Variants in PGM2 observed in about 807,000 individuals in gnomAD.
PGM2 encodes phosphopentomutase.
A neutral mutation model predicts 74.6 loss-of-function variants in PGM2; 57 were observed. The observed-to-expected ratio is 0.76, with a 90% CI of 0.62 to 0.95. PGM2 has a LOEUF of 0.95. Among genes scored for constraint, PGM2 ranks in the 40% least tolerant of loss-of-function variants. The pLI, the probability that PGM2 is intolerant of heterozygous loss-of-function variation, is 0.00. For synonymous variants in PGM2, 273 were observed against 260.7 expected (o/e 1.05, Z -0.46); for missense variants, 706 against 741.9 (o/e 0.95, Z 0.56).
Position 37,835,642 on chromosome 4 carries a change from T to C in PGM2, c.356+918T>C, listed in dbSNP as rs778353266. On this transcript the variant is annotated intron_variant, in intron 3 of 13. Transcript: ENST00000381967. ...TATTGAATATTAATGAAAAGTCTTA[T>C]TAGCTTTACAGAGCTGGATGAGTTT... Among the ~76,000 whole-genome samples the C allele has an allele frequency of 3.3e-5, 5 of 152,214 alleles. No homozygotes were observed. In the South Asian group the frequency reaches 6.2e-4, roughly 19 times the overall value.
chr4:37,839,891 T>C lies in PGM2; in HGVS notation c.485T>C (p.Ile162Thr). Residue 162 changes from isoleucine to threonine, a missense_variant, in exon 5 of 14, where the codon ATA becomes ACA. Coordinates refer to ENST00000381967, the MANE Select transcript of PGM2 (RefSeq NM_018290.4). The part of the protein sequence containing the change: ...SHLKLCAGIM[I>T]TASHNPKQDN... ...TTGAAACTTTGTGCTGGAATCATGA[T>C]AACTGCATCTCACAATCCAAAGCAG... is the stretch of plus-strand genomic sequence containing the variant. 1 of 1,606,786 alleles carries C rather than the reference T, an allele frequency of 6.2e-7. No homozygotes were observed.
rs1725668786 is a variant in PGM2 at position 37,840,125 on chromosome 4, T to A, written c.585T>A (p.Ala195=). The A allele has an allele frequency of 2.5e-6, 4 of 1,613,820 alleles. No individual in the cohort carries two copies. The highest frequency in any genetic ancestry group is 3.4e-6 in the Non-Finnish European group (4 of 1,179,824). ...ISPHDKGISQ[A]IEENLEPWPQ... ...CTCACGATAAAGGGATTTCTCAAGC[T>A]ATTGAAGAAAATCTAGAACCGTGGC... Residue 195 remains alanine, a synonymous_variant, in exon 6 of 14, where the codon GCT becomes GCA. Coordinates refer to ENST00000381967, the MANE Select transcript of PGM2 (RefSeq NM_018290.4).
At chr4:37,838,692 CA>C (rs993811263) in intron 4 of PGM2, among the ~76,000 whole-genome samples, 1 of 152,148 alleles carries the variant, frequency 6.6e-6, no homozygotes, top group African/African-American at 2.4e-5. Flanking sequence ...GTTCAGGTTT[CA>C]TTGTTTGATG....
In PGM2 at chr4:37,850,221, T is replaced by C; in HGVS notation, c.1450T>C (p.Cys484Arg). ...TATTACTAAAGCTTCCTATTTTATCTGCCATGATCAAGAAACCATTAAGAA... is the reference window on the plus strand; with the variant it reads ...TATTACTAAAGCTTCCTATTTTATCCGCCATGATCAAGAAACCATTAAGAA... ...YHITKASYFI[C>R]HDQETIKKLF... Residue 484 changes from cysteine to arginine, a missense_variant, in exon 12 of 14, where the codon TGC becomes CGC. Cys to Arg is a radical substitution (Grantham distance 180). Transcript: ENST00000381967. 6.3e-7 allele frequency: 1 copy of C among 1,578,752 alleles called. No individual in the cohort carries two copies. The highest frequency in any genetic ancestry group is 8.6e-7 in the Non-Finnish European group (1 of 1,166,318).
chr4:37,858,570 G>A (rs1320282254), intron 13 of PGM2, among the ~76,000 whole-genome samples: 2 of 149,948 alleles, frequency 1.3e-5, no homozygotes, highest in African/African-American at 4.9e-5. Flanking sequence ...GGCTGGGCTC[G>A]AACTCCTGGC....
At chr4:37,847,599 G>T (rs779001567) in intron 10 of PGM2, 14 of 348,934 alleles carry the variant, frequency 4.0e-5, no homozygotes, top group Non-Finnish European at 6.6e-5. Flanking sequence ...CACTGTGGTG[G>T]TTAATATCCA....
chr4:37,831,192 CAAAAAAA>C (rs11432971), intron 2 of PGM2, among the ~76,000 whole-genome samples: 1 of 74,090 alleles, frequency 1.3e-5, no homozygotes, highest in African/African-American at 5.6e-5. Context: ...GACTCTGTCT[CAAAAAAA>C]AAAAAAAAAA....
Position 37,826,800 on chromosome 4 carries a change from T to A in PGM2, c.68T>A (p.Leu23Gln). Residue 23 changes from leucine to glutamine, a missense_variant, in exon 1 of 14, where the codon CTG (leucine) becomes CAG (glutamine). Around this residue, in one of 3 missense-constraint regions of PGM2, gnomAD observed 332 missense variants for 334.9 expected, o/e 0.99. Coordinates refer to ENST00000381967, the MANE Select transcript of PGM2 (RefSeq NM_018290.4). ...ARLDQETAQW[L>Q]RWDKNSLTLE... ...CTGGACCAGGAGACCGCCCAGTGGC[T>A]GCGCTGGGACAAGGTGAGGGGCACC... The A allele has an allele frequency of 6.5e-7, 1 of 1,547,058 alleles. No individual in the cohort carries two copies.
intron 2 of PGM2, 81 bp downstream of exon 2, chr4:37,830,212 T>G (rs1725405647): frequency 2.9e-6 from 3 of 1,045,116 alleles, no homozygotes; most frequent in Non-Finnish European, 4.0e-6. Flanking sequence ...TTTATTCTAA[T>G]TATAGACATG....
intron 2 of PGM2, among the ~76,000 whole-genome samples, chr4:37,832,949 A>G (rs1725474329): frequency 6.6e-6 from 1 of 152,088 alleles, no homozygotes; most frequent in Admixed American, 6.6e-5. Context: ...TCAGGTCCTC[A>G]TCCTCAGCAG....
intron 11 of PGM2, 42 bp downstream of exon 11, chr4:37,848,693 A>G: frequency 7.4e-7 from 1 of 1,345,902 alleles, no homozygotes; most frequent in South Asian, 1.2e-5. Flanking sequence ...TAATATTTTG[A>G]AATGTTCTAT....
At chr4:37,852,341 T>A (rs989403263) in intron 12 of PGM2, among the ~76,000 whole-genome samples, 1 of 79,036 alleles carries the variant, frequency 1.3e-5, no homozygotes, top group Non-Finnish European at 3.1e-5. Flanking sequence ...TTTTCCCAAA[T>A]CCTTCAAATG....
intron 11 of PGM2, 34 bp downstream of exon 11, chr4:37,848,685 A>G: frequency 6.7e-7 from 1 of 1,500,158 alleles, no homozygotes; most frequent in Non-Finnish European, 9.2e-7. Context: ...GATTGAAATA[A>G]TATTTTGAAA....
At position 37,841,072 on chromosome 4, in the gene PGM2, G is replaced by GTATATA. The variant is rs36127170; in HGVS notation, c.719+837_719+842dup. On this transcript the variant is annotated intron_variant, in intron 6 of 13. Transcript: ENST00000381967. ...AAAAATTTTCTGTGCATATGCAAGC[G>GTATATA]TATATATATATATATATATATATAT... 7.7e-4 allele frequency among the ~76,000 whole-genome samples: 88 copies of GTATATA among 113,784 alleles called. 3 individuals carry two copies. Among genetic ancestry groups the GTATATA allele is most frequent in the East Asian group, 6.5e-3 (20 of 3,066 alleles). The allele number at this position is 113,784 out of a possible 152,430, so 74.6% of individuals were successfully genotyped here. A position where few individuals can be genotyped will look rare whatever the true frequency, so the allele number is the denominator to read the frequency against.
intron 13 of PGM2, among the ~76,000 whole-genome samples, chr4:37,857,329 G>A (rs1404791638): frequency 6.6e-6 from 1 of 152,100 alleles, no homozygotes; most frequent in Non-Finnish European, 1.5e-5. Context: ...AGTTTTTCCA[G>A]CCTCGTGAAT....
rs143761232 is a variant in PGM2 at position 37,860,005 on chromosome 4, A to C, written c.1737-1505A>C. On this transcript the variant is annotated intron_variant, in intron 13 of 13. Transcript: ENST00000381967. ...AATAGTAACACAAAATTTTTGTTTT[A>C]AGAATTGTACCACTAAACCTTACAC... is the stretch of plus-strand genomic sequence containing the variant. Among the ~76,000 whole-genome samples, 489 of 152,316 alleles carry C rather than the reference A, an allele frequency of 3.2e-3. 6 individuals carry two copies. Among genetic ancestry groups the C allele is most frequent in the African/African-American group, 0.011 (439 of 41,590 alleles).
chr4:37,856,312 T>G (rs1398665897), intron 13 of PGM2, among the ~76,000 whole-genome samples: 2 of 152,068 alleles, frequency 1.3e-5, no homozygotes, highest in Non-Finnish European at 2.9e-5. Context: ...GTGAACCTGG[T>G]AGGCGGAGCT....
chr4:37,841,152 G>A (rs1289620843), intron 6 of PGM2, among the ~76,000 whole-genome samples: 1 of 101,098 alleles, frequency 9.9e-6, no homozygotes, highest in Non-Finnish European at 1.9e-5. Flanking sequence ...CCATAAATAG[G>A]AATATTTGTG....
At position 37,836,514 on chromosome 4, in the gene PGM2, G is replaced by C. The variant is rs76855594; in HGVS notation, c.357-1015G>C. Among the ~76,000 whole-genome samples, 243 of 152,268 alleles carry C rather than the reference G, an allele frequency of 1.6e-3. 10 individuals are homozygous for C. In the East Asian group the frequency reaches 0.042, roughly 27 times the overall value. ...TAACTGTTAAGTATATGCAGAGAAC[G>C]CATTGCATTTTTTTGTGCACATTTG... On this transcript the variant is annotated intron_variant, in intron 3 of 13. Coordinates refer to ENST00000381967, the MANE Select transcript of PGM2 (RefSeq NM_018290.4).
Sources: gnomAD v4.1 joint callset for allele counts (sites outside exome capture counted in the v4.1 genomes callset) on GRCh38, gnomAD v4.1.1 for gene constraint, gnomAD v4.1.1 regional missense constraint, MANE v1.5 for transcripts, NCBI Gene and HGNC (gene_info 2026-07-23, HGNC 2026-07-21) for gene names.